The following DAB1 variants were observed in gnomAD, a reference collection of about 807,000 sequenced individuals.
DAB1 encodes disabled homolog 1.
Under a neutral mutation model 64.6 loss-of-function variants are expected in DAB1, and 15 were observed. That is an observed-to-expected ratio of 0.23 (90% CI 0.16 to 0.36). The LOEUF (loss-of-function observed/expected upper bound fraction) is 0.36, where lower values mean the gene tolerates loss of function less well. Among genes scored for constraint, DAB1 ranks in the 10% least tolerant of loss-of-function variants. DAB1 has a pLI of 1.00. For synonymous variants in DAB1, 235 were observed against 251.9 expected, an observed-to-expected ratio of 0.93 and a Z score of 0.64; for missense variants, 596 against 706.7, an observed-to-expected ratio of 0.84 and a Z score of 1.78.
chr1:57,100,966 C>A, intron 4 of DAB1, among the ~76,000 whole-genome samples: 1 of 152,172 alleles, frequency 6.6e-6, no homozygotes, highest in Non-Finnish European at 1.5e-5. Flanking sequence ...ATCCTCCCAT[C>A]ATCGCCATGA....
At chr1:57,022,841 A>G (rs1312423379) in intron 11 of DAB1, among the ~76,000 whole-genome samples, 1 of 152,298 alleles carries the variant, frequency 6.6e-6, no homozygotes, top group Non-Finnish European at 1.5e-5. Flanking sequence ...ATTTGCAAGT[A>G]CAGTGGCCTG....
intron 4 of DAB1, among the ~76,000 whole-genome samples, chr1:58,168,260 C>A (rs1342456128): frequency 3.9e-5 from 6 of 152,150 alleles, no homozygotes; most frequent in African/African-American, 1.4e-4. Context: ...TTTTCCTTTA[C>A]TTCTGGGCTG....
intron 5 of DAB1, among the ~76,000 whole-genome samples, chr1:58,079,160 C>A (rs1649830265): frequency 6.6e-6 from 1 of 152,160 alleles, no homozygotes; most frequent in African/African-American, 2.4e-5. Flanking sequence ...ACAAAGTAGA[C>A]GTGGGTTAGA....
chr1:58,284,319 C>A (rs142052124), intron 4 of DAB1, among the ~76,000 whole-genome samples: 11 of 152,346 alleles, frequency 7.2e-5, no homozygotes, highest in African/African-American at 2.4e-4. Context: ...CTCTGTTAAC[C>A]CTTTCCAGCC....
chr1:57,094,708 T>C (rs967444233), intron 4 of DAB1, among the ~76,000 whole-genome samples: 1 of 152,214 alleles, frequency 6.6e-6, no homozygotes, highest in African/African-American at 2.4e-5. Context: ...GAGTATCTCC[T>C]ATGAGTAGAC....
intron 5 of DAB1, among the ~76,000 whole-genome samples, chr1:57,898,840 T>C (rs1253910840): frequency 2.0e-5 from 3 of 151,904 alleles, no homozygotes; most frequent in African/African-American, 7.2e-5. Context: ...TGTATCTACA[T>C]TGTGTGTGTG....
exon 2 of DAB1, chr1:57,826,172 A>G (rs2101899723): frequency 6.6e-6 from 1 of 152,340 alleles, no homozygotes; most frequent in Middle Eastern, 3.4e-3. Flanking sequence ...GCCAATAAAC[A>G]GTTTCATGCT....
intron 4 of DAB1, among the ~76,000 whole-genome samples, chr1:58,328,634 C>A (rs1662896282): frequency 6.6e-6 from 1 of 152,166 alleles, no homozygotes; most frequent in African/African-American, 2.4e-5. Flanking sequence ...AAGATGGAGT[C>A]TTGCTCTGTC....
At chr1:57,343,108 T>G (rs1677764436) in intron 1 of DAB1, among the ~76,000 whole-genome samples, 1 of 151,972 alleles carries the variant, frequency 6.6e-6, no homozygotes, top group East Asian at 1.9e-4. Flanking sequence ...GATTGGTGCA[T>G]TTACAATCCC....
At chr1:57,190,316 C>G (rs1384621460) in intron 2 of DAB1, among the ~76,000 whole-genome samples, 1 of 152,126 alleles carries the variant, frequency 6.6e-6, no homozygotes, top group Non-Finnish European at 1.5e-5. Flanking sequence ...CAGCTGTAAC[C>G]AACATATGCC....
chr1:57,082,096 C>T (rs539567794), intron 4 of DAB1, among the ~76,000 whole-genome samples: 53 of 152,230 alleles, frequency 3.5e-4, no homozygotes, highest in African/African-American at 1.2e-3. Context: ...ATCTATTTAT[C>T]CATTGATCTT....
chr1:58,024,293 A>G (rs767727726), intron 5 of DAB1, among the ~76,000 whole-genome samples: 38 of 152,284 alleles, frequency 2.5e-4, no homozygotes, highest in Middle Eastern at 3.4e-3. Flanking sequence ...AGATCACAAA[A>G]GAAGCTCGGG....
chr1:57,109,322 A>G (rs935712549), intron 4 of DAB1, among the ~76,000 whole-genome samples: 1 of 152,190 alleles, frequency 6.6e-6, no homozygotes, highest in Admixed American at 6.5e-5. Context: ...AATTTATGAC[A>G]TGAGTTTCCA....
At chr1:57,376,111 T>C (rs1224180932) in intron 1 of DAB1, among the ~76,000 whole-genome samples, 7 of 152,216 alleles carry the variant, frequency 4.6e-5, no homozygotes, top group Non-Finnish European at 1.0e-4. Flanking sequence ...TGCTCCACTG[T>C]CTTGTCTTCC....
intron 1 of DAB1, among the ~76,000 whole-genome samples, chr1:57,844,600 T>C (rs1459705696): frequency 1.3e-5 from 2 of 152,192 alleles, no homozygotes; most frequent in African/African-American, 2.4e-5. Flanking sequence ...CATATTCCCA[T>C]ATGAGCTGGT....
intron 5 of DAB1, among the ~76,000 whole-genome samples, chr1:57,983,095 T>C (rs1381734915): frequency 6.6e-6 from 1 of 152,156 alleles, no homozygotes; most frequent in African/African-American, 2.4e-5. Flanking sequence ...CATTACTCAA[T>C]TAGATCATTG....
intron 3 of DAB1, among the ~76,000 whole-genome samples, chr1:58,501,740 T>A (rs1026735687): frequency 2.6e-5 from 4 of 152,190 alleles, no homozygotes; most frequent in African/African-American, 7.2e-5. Context: ...AACTGTGTGC[T>A]AAGGACTCAT....
chr1:57,954,502 C>T (rs1035326499), intron 5 of DAB1, among the ~76,000 whole-genome samples: 2 of 152,048 alleles, frequency 1.3e-5, no homozygotes, highest in African/African-American at 2.4e-5. Context: ...AGCGAGGCTA[C>T]GATGGTAACC....
chr1:57,165,895 T>C (rs922889865), intron 2 of DAB1, among the ~76,000 whole-genome samples: 1 of 152,150 alleles, frequency 6.6e-6, no homozygotes, highest in African/African-American at 2.4e-5. Flanking sequence ...GAAATGTAAA[T>C]AGAGGTGCCA....
Sources: gnomAD v4.1 joint callset for allele counts (sites outside exome capture counted in the v4.1 genomes callset) on GRCh38, gnomAD v4.1.1 for gene constraint, MANE v1.5 for transcripts, NCBI Gene and HGNC (gene_info 2026-07-23, HGNC 2026-07-21) for gene names.